The following CIMAP1A variants were observed in gnomAD, a reference collection of about 807,000 sequenced individuals.
The protein encoded by CIMAP1A is cancer/testis antigen 135.
At chr11:199,183 C>A in the CIMAP1A span, 6 of 1,429,394 alleles carry the variant, frequency 4.2e-6, no homozygotes, top group Non-Finnish European at 5.5e-6. Context: ...GTGACCCCCA[C>A]ATGAGGTACC....
At chr11:197,546 C>T in the CIMAP1A span, 2 of 1,612,018 alleles carry the variant, frequency 1.2e-6, no homozygotes, top group African/African-American at 2.7e-5. Context: ...TGCTCAGGGC[C>T]CATTGCGTCC....
the CIMAP1A span, chr11:197,298 G>A: frequency 6.4e-7 from 1 of 1,564,310 alleles, no homozygotes; most frequent in Non-Finnish European, 8.7e-7. Context: ...TACGGACAGA[G>A]CTGGCCATGA....
At chr11:200,061 C>G in the CIMAP1A span, 5 of 1,610,134 alleles carry the variant, frequency 3.1e-6, no homozygotes, top group East Asian at 1.1e-4. Context: ...CCCATCACAC[C>G]CGGCATCTAC....
At chr11:198,927 A>AG in the CIMAP1A span, 1 of 1,201,852 alleles carries the variant, frequency 8.3e-7, no homozygotes, top group African/African-American at 1.6e-5. Context: ...TTGGGGGAGG[A>AG]GGGTCCTGGT....
the CIMAP1A span, chr11:198,666 G>A: frequency 6.7e-5 from 102 of 1,532,112 alleles, no homozygotes; most frequent in African/African-American, 1.2e-4. Context: ...CCACCAGTTC[G>A]GCCCTGCCTT....
the CIMAP1A span, chr11:198,683 G>T: frequency 6.6e-7 from 1 of 1,519,768 alleles, no homozygotes; most frequent in South Asian, 1.3e-5. Flanking sequence ...CCTTGCCAAT[G>T]CCCCTCAGCC....
At chr11:199,040 T>C in the CIMAP1A span, 1 of 1,218,620 alleles carries the variant, frequency 8.2e-7, no homozygotes, top group African/African-American at 1.5e-5. Flanking sequence ...CCCTCGTCCA[T>C]GTTGATTTTG....
the CIMAP1A span, chr11:198,982 G>C: frequency 1.7e-6 from 2 of 1,191,476 alleles, no homozygotes; most frequent in South Asian, 2.3e-5. Context: ...ACATGCCTGA[G>C]AGCTTGAGGG....
the CIMAP1A span, chr11:198,237 G>C: frequency 6.2e-7 from 1 of 1,613,970 alleles, no homozygotes; most frequent in South Asian, 1.1e-5. Flanking sequence ...GTACGTGTTC[G>C]ACTCAGCACC....
At chr11:197,815 C>T in the CIMAP1A span, 23 of 1,581,524 alleles carry the variant, frequency 1.5e-5, no homozygotes, top group South Asian at 2.6e-4. Flanking sequence ...CCTGCCCCTC[C>T]CTGCTGGGTG....
chr11:200,257 A>C, the CIMAP1A span: 1 of 557,374 alleles, frequency 1.8e-6, no homozygotes, highest in Non-Finnish European at 3.2e-6. Context: ...AGATTGCATT[A>C]ATAAGGGTTT....
the CIMAP1A span, chr11:199,654 TGGAGGGG>T: frequency 2.8e-6 from 1 of 352,768 alleles, no homozygotes; most frequent in African/African-American, 7.9e-5. Context: ...CAAGAAGGGG[TGGAGGGG>T]TGGGGTGGGG....
chr11:199,575 G>A, the CIMAP1A span: 1 of 1,475,432 alleles, frequency 6.8e-7, no homozygotes, highest in Non-Finnish European at 9.0e-7. Context: ...GGGATGTGTA[G>A]GAAAGAGCAG....
chr11:198,612 A>G, the CIMAP1A span: 1 of 1,582,870 alleles, frequency 6.3e-7, no homozygotes, highest in Non-Finnish European at 8.6e-7. Flanking sequence ...CTGAGAACAG[A>G]GAATCACCCC....
chr11:199,261 C>A, the CIMAP1A span: 1 of 1,499,046 alleles, frequency 6.7e-7, no homozygotes, highest in Non-Finnish European at 9.0e-7. Context: ...TGCACGGGCA[C>A]CAACTTGTAG....
chr11:200,224 T>A, the CIMAP1A span: 17 of 588,166 alleles, frequency 2.9e-5, 1 homozygote, highest in South Asian at 3.6e-4. Flanking sequence ...TGTTTTCTGC[T>A]GTGCCCAAAT....
chr11:198,595 A>G, the CIMAP1A span: 1 of 1,596,708 alleles, frequency 6.3e-7, no homozygotes, highest in South Asian at 1.1e-5. Flanking sequence ...GGCAAGGGCC[A>G]CCCCAACTGA....
chr11:199,698 C>G, the CIMAP1A span: 1 of 1,435,918 alleles, frequency 7.0e-7, no homozygotes, highest in South Asian at 1.5e-5. Context: ...CCCTGAGGAC[C>G]CTGTACATTT....
chr11:199,929 C>T, the CIMAP1A span: 6 of 1,613,590 alleles, frequency 3.7e-6, no homozygotes, highest in South Asian at 1.1e-5. Flanking sequence ...CCTATCATAG[C>T]CCCTCCTCTC....
Sources: allele counts gnomAD v4.1 joint callset, GRCh38; gene constraint gnomAD v4.1.1; transcripts MANE v1.5; gene names NCBI Gene and HGNC (gene_info 2026-07-23, HGNC 2026-07-21).